Variants in APBA1 observed in about 807,000 individuals in gnomAD.
The protein encoded by APBA1 is amyloid-beta A4 precursor protein-binding family A member 1.
APBA1 carries 55 observed loss-of-function variants against 86.6 expected under a neutral mutation model. The observed-to-expected ratio is 0.64, with a 90% CI of 0.51 to 0.80. The LOEUF (loss-of-function observed/expected upper bound fraction) is 0.80. Among genes scored for constraint, APBA1 ranks in the 30% least tolerant of loss-of-function variants. The pLI is 0.00. For synonymous variants in APBA1, 511 were observed against 493.9 expected (o/e 1.03, Z -0.46); for missense variants, 1,090 against 1,183.0 (o/e 0.92, Z 1.15).
intron 1 of APBA1, among the ~76,000 whole-genome samples, chr9:69,592,248 C>T (rs543779234): frequency 2.5e-4 from 38 of 152,280 alleles, no homozygotes; most frequent in Admixed American, 1.0e-3. Flanking sequence ...TAATATTTTA[C>T]GATGTCTTCA....
intron 2 of APBA1, among the ~76,000 whole-genome samples, chr9:69,511,452 G>A (rs553129293): frequency 6.6e-6 from 1 of 152,110 alleles, no homozygotes; most frequent in Non-Finnish European, 1.5e-5. Flanking sequence ...TGGAGAAATA[G>A]GAACACTTTT....
In APBA1 at chr9:69,516,754, G is replaced by A. The variant is rs777088552; in HGVS notation, c.457C>T (p.His153Tyr). Reference sequence around the variant, plus strand: ...ATGGCTTCCTCGTGCTCCAGCGAGTGGAAGTGCAGGTGGTTGGGCAGCGCG... The same window carrying A: ...ATGGCTTCCTCGTGCTCCAGCGAGTAGAAGTGCAGGTGGTTGGGCAGCGCG... ...RRALPNHLHF[H>Y]SLEHEEAMNA... The change falls in exon 2 of 13, where the codon CAC becomes TAC. Residue 153 changes from histidine to tyrosine, a missense_variant. Physicochemically the swap from His to Tyr is moderately conservative, Grantham distance 83. Around this residue, in one of 6 missense-constraint regions of APBA1, gnomAD observed 678 missense variants for 647.1 expected, o/e 1.05. Coordinates refer to ENST00000265381, the MANE Select transcript of APBA1 (RefSeq NM_001163.4). This position sits in a 1 kb window ranked among gnomAD's most constrained non-coding sequence, Gnocchi z 7.3. The A allele has an allele frequency of 6.2e-6, 10 of 1,611,968 alleles. No individual in the cohort carries two copies. The highest frequency in any genetic ancestry group is 3.3e-4 in the Middle Eastern group (2 of 6,084).
At chr9:69,562,523 C>T (rs1443666346) in intron 1 of APBA1, among the ~76,000 whole-genome samples, 4 of 151,850 alleles carry the variant, frequency 2.6e-5, no homozygotes, top group Non-Finnish European at 4.4e-5. Flanking sequence ...TACAGGCACA[C>T]GCCACCAAGC....
At chr9:69,513,723 T>C (rs560511247) in intron 2 of APBA1, among the ~76,000 whole-genome samples, 3 of 152,328 alleles carry the variant, frequency 2.0e-5, no homozygotes, top group Non-Finnish European at 4.4e-5. Flanking sequence ...CCCTACTGGT[T>C]TCCAACCTTT....
intron 11 of APBA1, among the ~76,000 whole-genome samples, chr9:69,439,260 G>C (rs28861097): frequency 7.7e-6 from 1 of 129,274 alleles, no homozygotes; most frequent in African/African-American, 3.1e-5. Context: ...ATGTGTCTTG[G>C]AGTTCTCTTC....
At chr9:69,544,680 A>T (rs541880582) in intron 1 of APBA1, among the ~76,000 whole-genome samples, 1 of 152,234 alleles carries the variant, frequency 6.6e-6, no homozygotes, top group African/African-American at 2.4e-5. Context: ...TGACTAAAAC[A>T]TATAACTAAT....
intron 1 of APBA1, among the ~76,000 whole-genome samples, chr9:69,542,615 T>G (rs1049509884): frequency 3.3e-5 from 5 of 152,252 alleles, no homozygotes; most frequent in Non-Finnish European, 5.9e-5. Context: ...GGACATAAGT[T>G]TTCAACTCAT....
intron 1 of APBA1, among the ~76,000 whole-genome samples, chr9:69,519,370 A>C (rs1836216605): frequency 6.6e-6 from 1 of 152,246 alleles, no homozygotes; most frequent in South Asian, 2.1e-4. Context: ...CTCTAAACAG[A>C]AGCAGCAAGT....
chr9:69,495,887 C>T (rs898861002), intron 2 of APBA1, among the ~76,000 whole-genome samples: 7 of 152,054 alleles, frequency 4.6e-5, no homozygotes, highest in Non-Finnish European at 7.4e-5. Context: ...AGGGGCCGCA[C>T]CTCTAGGCAC....
At chr9:69,558,975 T>C (rs931388251) in intron 1 of APBA1, among the ~76,000 whole-genome samples, 3 of 152,248 alleles carry the variant, frequency 2.0e-5, no homozygotes, top group African/African-American at 7.2e-5. Flanking sequence ...CCTTCCATGA[T>C]TGTTATCTAG....
intron 7 of APBA1, 69 bp downstream of exon 7, chr9:69,456,984 A>G: frequency 1.5e-6 from 2 of 1,320,518 alleles, no homozygotes; most frequent in Non-Finnish European, 2.2e-6. Flanking sequence ...CCTGCTCTAC[A>G]GACACATGCA....
intron 2 of APBA1, among the ~76,000 whole-genome samples, chr9:69,483,699 C>T (rs1256381661): frequency 6.6e-6 from 1 of 152,108 alleles, no homozygotes. Context: ...ATCCCATACA[C>T]CTGATTCTAG....
At chr9:69,454,655 G>A (rs1006853844) in intron 8 of APBA1, among the ~76,000 whole-genome samples, 2 of 152,152 alleles carry the variant, frequency 1.3e-5, no homozygotes, top group Non-Finnish European at 2.9e-5. Flanking sequence ...CCTACCTCTT[G>A]CTTCTCCAAT....
chr9:69,549,675 TA>T (rs1286719470), intron 1 of APBA1, among the ~76,000 whole-genome samples: 1 of 152,152 alleles, frequency 6.6e-6, no homozygotes, highest in Admixed American at 6.5e-5. Context: ...ATTCGATTCA[TA>T]TCAATTCAAT....
intron 4 of APBA1, among the ~76,000 whole-genome samples, chr9:69,468,460 A>G (rs2133829582): frequency 6.6e-6 from 1 of 152,244 alleles, no homozygotes; most frequent in African/African-American, 2.4e-5. Flanking sequence ...CCTCCATTTA[A>G]TCCATAATGG....
chr9:69,547,801 C>T lies in APBA1; in HGVS notation c.-69-30522G>A, dbSNP rs78347896. 8.5e-4 allele frequency among the ~76,000 whole-genome samples: 129 copies of T among 152,316 alleles called. 1 individual carries two copies. The East Asian group carries it at 0.024, about 29-fold the overall frequency. On this transcript the variant is annotated intron_variant, in intron 1 of 12. Coordinates refer to ENST00000265381, the MANE Select transcript of APBA1 (RefSeq NM_001163.4). ...TTCCCCATTTCAGTCAAGTGCTTTACTCAGCAGTCTACTCCATGTCTGGTT... is the reference window on the plus strand; with the variant it reads ...TTCCCCATTTCAGTCAAGTGCTTTATTCAGCAGTCTACTCCATGTCTGGTT...
At chr9:69,498,796 T>C (rs774237738) in intron 2 of APBA1, among the ~76,000 whole-genome samples, 2 of 152,168 alleles carry the variant, frequency 1.3e-5, no homozygotes, top group African/African-American at 2.4e-5. Flanking sequence ...AGGAACAGCA[T>C]AGCTTTGAGG....
intron 2 of APBA1, among the ~76,000 whole-genome samples, chr9:69,504,107 C>G (rs1212903825): frequency 6.6e-6 from 1 of 152,044 alleles, no homozygotes; most frequent in African/African-American, 2.4e-5. Context: ...AGTCCAACAT[C>G]ATTGTGTTTC....
intron 1 of APBA1, among the ~76,000 whole-genome samples, chr9:69,572,918 T>C (rs947228835): frequency 1.3e-5 from 2 of 152,208 alleles, no homozygotes; most frequent in African/African-American, 4.8e-5. Flanking sequence ...GATTTAACTA[T>C]TTTCTTTCCT....
Sources: allele counts gnomAD v4.1 joint callset (sites outside exome capture counted in the v4.1 genomes callset), GRCh38; gene constraint gnomAD v4.1.1; regional missense constraint gnomAD v4.1.1; non-coding constraint Gnocchi (gnomAD v3.1); transcripts MANE v1.5; gene names NCBI Gene and HGNC (gene_info 2026-07-23, HGNC 2026-07-21).